The following WDR20 variants were observed in gnomAD, a reference collection of about 807,000 sequenced individuals.
WDR20 encodes the protein WD repeat-containing protein 20.
Under a neutral mutation model 38.7 loss-of-function variants are expected in WDR20, and 3 were observed. The observed-to-expected ratio is 0.08, with a 90% confidence interval of 0.04 to 0.20. The LOEUF (loss-of-function observed/expected upper bound fraction) is 0.20, where lower values mean the gene tolerates loss of function less well. Among genes scored for constraint, WDR20 ranks in the 10% least tolerant of loss-of-function variants. WDR20 has a pLI of 1.00. For missense variants in WDR20, 559 were observed against 727.7 expected (o/e 0.77, Z 2.67); for synonymous variants, 298 against 285.6 (o/e 1.04, Z -0.44).
intron 2 of WDR20, among the ~76,000 whole-genome samples, chr14:102,202,830 A>G (rs1391716764): frequency 6.6e-6 from 1 of 152,164 alleles, no homozygotes; most frequent in African/African-American, 2.4e-5. Context: ...TGCAGCCTTG[A>G]CCTGGGCTCA....
intron 2 of WDR20, among the ~76,000 whole-genome samples, chr14:102,195,332 A>C (rs2059233079): frequency 1.3e-5 from 2 of 152,036 alleles, no homozygotes; most frequent in Non-Finnish European, 2.9e-5. Flanking sequence ...ATTTTTATGG[A>C]GCATGCTCAG....
intron 1 of WDR20, among the ~76,000 whole-genome samples, chr14:102,142,479 G>A (rs1001105704): frequency 2.0e-5 from 3 of 152,028 alleles, no homozygotes; most frequent in East Asian, 1.9e-4. Context: ...TTAGAGACAG[G>A]ATCTCATCCT....
chr14:102,192,266 G>A (rs1198150878), intron 1 of WDR20, among the ~76,000 whole-genome samples: 3 of 150,256 alleles, frequency 2.0e-5, no homozygotes, highest in African/African-American at 4.9e-5. Context: ...TGCAAGCTCC[G>A]CCTCCCAGGT....
chr14:102,213,532 G>A (rs1391869488), downstream of WDR20: 1 of 985,440 alleles, frequency 1.0e-6, no homozygotes, highest in African/African-American at 1.7e-5. Context: ...TTTCTCAAAG[G>A]CGTTCAGGAA....
At chr14:102,145,860 T>A (rs76023280) in intron 1 of WDR20, among the ~76,000 whole-genome samples, 10,767 of 152,244 alleles carry the variant, frequency 0.071, 791 homozygotes, top group African/African-American at 0.18. Context: ...TCCCACATCT[T>A]AAGATTCCAG....
At chr14:102,212,112 G>A (rs2062616446), downstream of WDR20, among the ~76,000 whole-genome samples, 1 of 152,190 alleles carries the variant, frequency 6.6e-6, no homozygotes, top group African/African-American at 2.4e-5. Flanking sequence ...GAGGCAAGAG[G>A]AGGAGGTTAT....
intron 1 of WDR20, among the ~76,000 whole-genome samples, chr14:102,169,547 T>C: frequency 6.6e-6 from 1 of 152,164 alleles, no homozygotes; most frequent in African/African-American, 2.4e-5. Context: ...ACTTTTTTTT[T>C]TGAGGTGAAG....
chr14:102,211,977 G>C (rs767271281), downstream of WDR20, among the ~76,000 whole-genome samples: 42 of 152,092 alleles, frequency 2.8e-4, no homozygotes, highest in Non-Finnish European at 5.1e-4. The surrounding 1 kb of genome is among the most constrained non-coding windows in gnomAD (Gnocchi z 4.2). Context: ...GACCGACTGG[G>C]GACTCTCTGA....
intron 1 of WDR20, chr14:102,171,643 G>C (rs752520299): frequency 1.3e-5 from 2 of 151,786 alleles, no homozygotes; most frequent in Non-Finnish European, 2.9e-5. Flanking sequence ...TATGCCCTGT[G>C]TACTTTTCAG....
At chr14:102,214,269 T>G, downstream of WDR20, 1 of 985,622 alleles carries the variant, frequency 1.0e-6, no homozygotes, top group Non-Finnish European at 1.2e-6. Context: ...GAGCACACCC[T>G]TCGCCACGGG....
Position 102,221,475 on chromosome 14 carries a change from C to T in WDR20, c.1693-1355C>T, listed in dbSNP as rs1257120455. Reference sequence around the variant, plus strand: ...GAACCTGCTGCCCAGCTTTCCTCCACAGGCTTGATGTGTTTGAGCCAGAAG... The same window carrying T: ...GAACCTGCTGCCCAGCTTTCCTCCATAGGCTTGATGTGTTTGAGCCAGAAG... On this transcript the variant is annotated intron_variant, in intron 3 of 3. Coordinates refer to the WDR20 transcript ENST00000335263. This position sits in a 1 kb window ranked among gnomAD's most constrained non-coding sequence, Gnocchi z 4.8. Among the ~76,000 whole-genome samples, 1 of 152,206 alleles carries T rather than the reference C, an allele frequency of 6.6e-6. No homozygotes were observed. The highest frequency in any genetic ancestry group is 1.5e-5 in the Non-Finnish European group (1 of 68,044).
downstream of WDR20, chr14:102,213,764 A>G (rs1366809807): frequency 3.0e-6 from 3 of 985,310 alleles, no homozygotes; most frequent in African/African-American, 5.2e-5. Context: ...CAAGGTCCTC[A>G]TCACCTCTCG....
intron 1 of WDR20, among the ~76,000 whole-genome samples, chr14:102,177,789 A>G (rs923749951): frequency 6.6e-6 from 1 of 152,316 alleles, no homozygotes; most frequent in East Asian, 1.9e-4. Context: ...GGGGGAAGTT[A>G]GTATGAACCA....
In WDR20 at chr14:102,209,860, G is replaced by T. The variant is rs1216844799; in HGVS notation, c.1690G>T (p.Val564Leu). Residue 564 changes from valine (V) to leucine (L), a missense_variant, in exon 3 of 3, where the codon GTG (valine) becomes TTG (leucine). By Grantham distance (32) the Val-to-Leu change is conservative. Transcript: ENST00000342702. This position sits in a 1 kb window ranked among gnomAD's most constrained non-coding sequence, Gnocchi z 6.0. ...TTGCACATGGGGAAGGCCTGGTAAA[G>T]TGGTAAGTTTTAATCCTTAATGCTG... Reference protein sequence around the residue: ...FICTWGRPGKVVSFNP With the variant: ...FICTWGRPGKLVSFNP 1 of 1,611,328 alleles carries T rather than the reference G, an allele frequency of 6.2e-7. No homozygotes were observed. The highest frequency in any genetic ancestry group is 1.3e-5 in the African/African-American group (1 of 74,828).
At chr14:102,190,699 A>T (rs894954302) in intron 1 of WDR20, among the ~76,000 whole-genome samples, 10 of 151,204 alleles carry the variant, frequency 6.6e-5, no homozygotes, top group African/African-American at 2.2e-4. Flanking sequence ...CATTGACTTG[A>T]TAGAAATTAG....
At position 102,166,315 on chromosome 14, in the gene WDR20, G is replaced by C. The variant is rs181800609; in HGVS notation, c.249+26143G>C. On this transcript the variant is annotated intron_variant, in intron 1 of 2. Coordinates refer to ENST00000342702, the MANE Select transcript of WDR20 (RefSeq NM_144574.4). Reference sequence around the variant, plus strand: ...AATTTATTTGCATTGTGTGGTCATGGAATATGTTTTTATGATATTGGTTGT... The same window carrying C: ...AATTTATTTGCATTGTGTGGTCATGCAATATGTTTTTATGATATTGGTTGT... Among the ~76,000 whole-genome samples, 441 of 152,208 alleles carry C rather than the reference G, an allele frequency of 2.9e-3. 4 individuals carry two copies. The highest frequency in any genetic ancestry group is 0.01 in the African/African-American group (418 of 41,518).
intron 1 of WDR20, among the ~76,000 whole-genome samples, chr14:102,168,112 C>T (rs183574720): frequency 6.6e-6 from 1 of 152,162 alleles, no homozygotes; most frequent in Non-Finnish European, 1.5e-5. Context: ...CTCTTCCCCC[C>T]ACTTCCCATA....
At chr14:102,150,416 TG>T (rs2055385725) in intron 1 of WDR20, among the ~76,000 whole-genome samples, 1 of 152,128 alleles carries the variant, frequency 6.6e-6, no homozygotes, top group African/African-American at 2.4e-5. Flanking sequence ...AGGTCGAGGC[TG>T]CACTGTGATT....
At chr14:102,154,971 G>A (rs2057018654) in intron 1 of WDR20, among the ~76,000 whole-genome samples, 1 of 152,210 alleles carries the variant, frequency 6.6e-6, no homozygotes, top group African/African-American at 2.4e-5. Context: ...AAAGACTTGT[G>A]ACTTTGTCCA....
Sources: gnomAD v4.1 joint callset for allele counts (sites outside exome capture counted in the v4.1 genomes callset) on GRCh38, gnomAD v4.1.1 for gene constraint, Gnocchi (gnomAD v3.1) non-coding constraint, MANE v1.5 for transcripts, NCBI Gene and HGNC (gene_info 2026-07-23, HGNC 2026-07-21) for gene names.